CD2AP: variants seen among roughly 807,000 people sequenced by gnomAD.
CD2AP encodes the protein CD2 associated protein.
CD2AP carries 46 observed loss-of-function variants against 85.1 expected under a neutral mutation model. That is an observed-to-expected ratio of 0.54 (90% CI 0.43 to 0.69). CD2AP has a LOEUF of 0.69. CD2AP is among the 30% of genes least tolerant of loss of function. The pLI is 0.00. For missense variants in CD2AP, 769 were observed against 729.5 expected (o/e 1.05, Z -0.62); for synonymous variants, 255 against 252.9 (o/e 1.01, Z -0.08).
intron 14 of CD2AP, among the ~76,000 whole-genome samples, chr6:47,607,429 G>A (rs901505339): frequency 1.8e-4 from 27 of 151,962 alleles, no homozygotes; most frequent in Non-Finnish European, 3.4e-4. Flanking sequence ...AACAGTGTAC[G>A]AGGGTTCCCT....
chr6:47,610,962 TATATATG>T (rs1223454268), intron 16 of CD2AP, among the ~76,000 whole-genome samples: 3 of 102,858 alleles, frequency 2.9e-5, no homozygotes, highest in Non-Finnish European at 5.9e-5. Flanking sequence ...TATATATATA[TATATATG>T]TATTTTTTTT....
At chr6:47,599,131 T>C (rs1769033788) in intron 12 of CD2AP, among the ~76,000 whole-genome samples, 170 bp from the exon 13 acceptor site, 1 of 139,180 alleles carries the variant, frequency 7.2e-6, no homozygotes, top group African/African-American at 2.5e-5. Context: ...TCACATTTTT[T>C]ATTTTATTGT....
chr6:47,503,220 ATAGTT>A (rs1419677578), intron 1 of CD2AP, 55 bp from the exon 2 acceptor site: 1 of 1,437,250 alleles, frequency 7.0e-7, no homozygotes, highest in Non-Finnish European at 9.8e-7. Context: ...ATTTATTAAT[ATAGTT>A]TACAGTATTT....
chr6:47,511,192 T>G (rs1766305928), intron 2 of CD2AP, among the ~76,000 whole-genome samples: 2 of 151,672 alleles, frequency 1.3e-5, no homozygotes, highest in South Asian at 4.2e-4. Context: ...CAGGTTAATG[T>G]CACCAGTGAT....
At chr6:47,509,713 A>C (rs996025509) in intron 2 of CD2AP, among the ~76,000 whole-genome samples, 1 of 152,220 alleles carries the variant, frequency 6.6e-6, no homozygotes, top group African/African-American at 2.4e-5. Context: ...AATGCAGTCA[A>C]GTTCCAGCTT....
Position 47,557,110 on chromosome 6 carries a change from G to A in CD2AP, c.541+2344G>A, listed in dbSNP as rs566363227. ...GCTTTTTTTCATAGGTTTGTTGGCC[G>A]CATAAATGTCGTCTTTTGAAAAGTG... On this transcript the variant is annotated intron_variant, in intron 5 of 17. Coordinates refer to ENST00000359314, the MANE Select transcript of CD2AP (RefSeq NM_012120.3). Among the ~76,000 whole-genome samples the A allele has an allele frequency of 1.3e-4, 19 of 151,130 alleles. 1 individual carries two copies. Among genetic ancestry groups the A allele is most frequent in the South Asian group, 4.2e-4 (2 of 4,788 alleles).
intron 17 of CD2AP, among the ~76,000 whole-genome samples, chr6:47,620,438 T>C (rs1357854007): frequency 6.6e-6 from 1 of 152,238 alleles, no homozygotes; most frequent in East Asian, 1.9e-4. Flanking sequence ...CATGCTGTTT[T>C]GGTGACTGTG....
At chr6:47,501,706 T>G (rs1257242958) in intron 1 of CD2AP, among the ~76,000 whole-genome samples, 1 of 151,898 alleles carries the variant, frequency 6.6e-6, no homozygotes, top group Non-Finnish European at 1.5e-5. Flanking sequence ...GTCAGTCTTG[T>G]AGGAGGAAGA....
rs80081860 is a variant in CD2AP at position 47,622,463 on chromosome 6, G to A, written c.1879-1723G>A. 5.8e-3 allele frequency among the ~76,000 whole-genome samples: 880 copies of A among 152,210 alleles called. 10 individuals are homozygous for A. The highest frequency in any genetic ancestry group is 0.019 in the African/African-American group (807 of 41,528). On this transcript the variant is annotated intron_variant, in intron 17 of 17. Coordinates refer to ENST00000359314, the MANE Select transcript of CD2AP (RefSeq NM_012120.3). ...GCTGCCCTCCCTATGGATCCCTGTG[G>A]TGCCAGGCAGGAATGGCCTGCTTGG...
intron 1 of CD2AP, among the ~76,000 whole-genome samples, chr6:47,488,828 C>T (rs1765643701): frequency 6.6e-6 from 1 of 151,892 alleles, no homozygotes; most frequent in Admixed American, 6.6e-5. Context: ...AAGGTCGAGG[C>T]TACAGCGAGC....
chr6:47,546,694 A>G lies in CD2AP; in HGVS notation c.420+1988A>G, dbSNP rs1024726278. 2.0e-5 allele frequency among the ~76,000 whole-genome samples: 3 copies of G among 152,368 alleles called. No individual in the cohort carries two copies. In the South Asian group the frequency reaches 6.2e-4, roughly 32 times the overall value. ...AGTTCAAAGGACACCTGGGAAATTT[A>G]TCACAAAAAGATTATCACCTGGGCA... On this transcript the variant is annotated intron_variant, in intron 4 of 17. Transcript: ENST00000359314.
At chr6:47,559,932 G>A (rs962379798) in intron 5 of CD2AP, among the ~76,000 whole-genome samples, 8 of 152,046 alleles carry the variant, frequency 5.3e-5, no homozygotes, top group Non-Finnish European at 1.0e-4. Context: ...AGAAACCTAA[G>A]TCATGATTTA....
At chr6:47,605,912 T>C (rs1334447850) in intron 13 of CD2AP, among the ~76,000 whole-genome samples, 6 of 151,994 alleles carry the variant, frequency 3.9e-5, no homozygotes, top group Non-Finnish European at 5.9e-5. Context: ...TAGGTCTCTA[T>C]TGGAAACAAC....
rs139814970 is a variant in CD2AP, at chr6:47,589,565, C to CACACACATATATATATATATATAT, written c.1109-6295_1109-6294insCACACATATATATATATATATATA. 1.6e-3 allele frequency among the ~76,000 whole-genome samples: 189 copies of CACACACATATATATATATATATAT among 120,962 alleles called. 1 individual carries two copies. The highest frequency in any genetic ancestry group is 2.4e-3 in the Non-Finnish European group (133 of 55,560). The allele number at this position is 120,962 out of a possible 152,430, so 79.4% of individuals were successfully genotyped here. ...ACACATATATATACACACACACACACATATATATATATATATTTGTCAGAG... is the reference window on the plus strand; with the variant it reads ...ACACATATATATACACACACACACACACACACATATATATATATATATATATATATATATATATATTTGTCAGAG... On this transcript the variant is annotated intron_variant, in intron 11 of 17. Coordinates refer to ENST00000359314, the MANE Select transcript of CD2AP (RefSeq NM_012120.3).
intron 17 of CD2AP, among the ~76,000 whole-genome samples, chr6:47,623,790 C>T (rs571460630): frequency 1.3e-5 from 2 of 152,160 alleles, no homozygotes; most frequent in African/African-American, 2.4e-5. Flanking sequence ...AAACATGGAA[C>T]TAAACAGGTC....
chr6:47,509,747 T>G (rs887315762), intron 2 of CD2AP, among the ~76,000 whole-genome samples: 7 of 152,220 alleles, frequency 4.6e-5, no homozygotes, highest in African/African-American at 1.7e-4. Context: ...CAGTGTGGTA[T>G]TAGACAAATC....
intron 2 of CD2AP, among the ~76,000 whole-genome samples, chr6:47,511,885 G>GA: frequency 1.0e-5 from 1 of 95,710 alleles, no homozygotes; most frequent in Non-Finnish European, 2.7e-5. Context: ...AAATTGGCCG[G>GA]GGGTGGCTCA....
intron 2 of CD2AP, among the ~76,000 whole-genome samples, chr6:47,510,770 G>A (rs1306331159): frequency 6.6e-6 from 1 of 152,056 alleles, no homozygotes; most frequent in African/African-American, 2.4e-5. Context: ...CCTCAGGTGT[G>A]GAATAGACTA....
At position 47,533,618 on chromosome 6, in the gene CD2AP, CG is replaced by C; in HGVS notation, c.184del (p.Glu62AsnfsTer17). 1.2e-6 allele frequency: 2 copies of C among 1,613,670 alleles called. No individual in the cohort carries two copies. Among genetic ancestry groups the C allele is most frequent in the Non-Finnish European group, 1.7e-6 (2 of 1,179,868 alleles). On this transcript the variant is annotated frameshift_variant, in exon 3 of 18. Coordinates refer to ENST00000359314, the MANE Select transcript of CD2AP (RefSeq NM_012120.3). LOFTEE classifies it high-confidence loss of function. ...DNFVKEIKRETEFKDDSLPIK... is the reference protein window; with the variant it reads ...DNFVKEIKREXEFKDDSLPIK... ...CTTTTGTAGGAAATTAAAAGAGAGACGGAATTCAAGGATGACAGTTTGCCCA... is the reference window on the plus strand; with the variant it reads ...CTTTTGTAGGAAATTAAAAGAGAGACGAATTCAAGGATGACAGTTTGCCCA...
Sources: allele counts gnomAD v4.1 joint callset (sites outside exome capture counted in the v4.1 genomes callset), GRCh38; gene constraint gnomAD v4.1.1; transcripts MANE v1.5; gene names NCBI Gene and HGNC (gene_info 2026-07-23, HGNC 2026-07-21).